The following UBE2E2 variants were observed in gnomAD, a reference collection of about 807,000 sequenced individuals.
The protein encoded by UBE2E2 is ubiquitin-conjugating enzyme E2 E2.
In UBE2E2, 6 loss-of-function variants were observed where a neutral mutation model predicts 24.7. That is an observed-to-expected ratio of 0.24 (90% CI 0.13 to 0.48). The LOEUF (loss-of-function observed/expected upper bound fraction) is 0.48, where lower values mean the gene tolerates loss of function less well. UBE2E2 is among the 20% of genes least tolerant of loss of function. The probability of loss-of-function intolerance (pLI) is 0.99; values close to 1 mark genes in which losing one functional copy is unlikely to be tolerated. For synonymous variants in UBE2E2, 104 were observed against 83.6 expected, an observed-to-expected ratio of 1.24 and a Z score of -1.33; for missense variants, 169 against 245.0, an observed-to-expected ratio of 0.69 and a Z score of 2.07.
At chr3:23,565,840 C>G (rs981091723) in intron 5 of UBE2E2, among the ~76,000 whole-genome samples, 8 of 152,114 alleles carry the variant, frequency 5.3e-5, no homozygotes, top group African/African-American at 1.9e-4. Flanking sequence ...TCTGCCACCT[C>G]TTTTCTTTCC....
At chr3:23,376,869 A>T (rs1696535344) in intron 3 of UBE2E2, among the ~76,000 whole-genome samples, 1 of 152,150 alleles carries the variant, frequency 6.6e-6, no homozygotes, top group Non-Finnish European at 1.5e-5. Flanking sequence ...ATGAGTTCTG[A>T]TAAGGTGTGA....
chr3:23,488,044 A>G (rs1007970639), intron 3 of UBE2E2, among the ~76,000 whole-genome samples: 4 of 152,068 alleles, frequency 2.6e-5, no homozygotes, highest in Admixed American at 2.6e-4. Flanking sequence ...TTAGGAATAA[A>G]CTAGACAACT....
chr3:23,291,683 C>CTTTTTTTTT (rs11308326), intron 3 of UBE2E2, among the ~76,000 whole-genome samples: 2 of 95,038 alleles, frequency 2.1e-5, no homozygotes, highest in Non-Finnish European at 4.0e-5. Context: ...ATTTAAGGGG[C>CTTTTTTTTT]TTTTTTTTTT....
At chr3:23,544,667 G>A (rs561834036) in intron 5 of UBE2E2, among the ~76,000 whole-genome samples, 1 of 152,320 alleles carries the variant, frequency 6.6e-6, no homozygotes, top group Admixed American at 6.5e-5. Context: ...TAGATCTGAA[G>A]GGGTGGGTTG....
chr3:23,512,831 G>T, intron 4 of UBE2E2, among the ~76,000 whole-genome samples: 1 of 152,086 alleles, frequency 6.6e-6, no homozygotes, highest in East Asian at 1.9e-4. Context: ...TGTAATTCCA[G>T]CTACTCAGTA....
At chr3:23,292,763 T>C (rs1698802283) in intron 3 of UBE2E2, among the ~76,000 whole-genome samples, 2 of 152,190 alleles carry the variant, frequency 1.3e-5, no homozygotes, top group Admixed American at 1.3e-4. Context: ...TTGTGCCTCT[T>C]TTTGTTCGCA....
intron 1 of UBE2E2, among the ~76,000 whole-genome samples, chr3:23,206,668 T>C (rs1559438305): frequency 6.6e-6 from 1 of 152,198 alleles, no homozygotes; most frequent in Non-Finnish European, 1.5e-5. Context: ...TGCTTCCTGA[T>C]GCTTCCATTC....
At chr3:23,512,242 C>T in intron 4 of UBE2E2, among the ~76,000 whole-genome samples, 1 of 147,232 alleles carries the variant, frequency 6.8e-6, no homozygotes, top group East Asian at 2.0e-4. Flanking sequence ...TTTTTTGAGA[C>T]AGTCTTACCC....
chr3:23,267,931 A>T (rs1436311924), intron 3 of UBE2E2, among the ~76,000 whole-genome samples: 203 of 147,602 alleles, frequency 1.4e-3, no homozygotes, highest in Middle Eastern at 3.4e-3. Flanking sequence ...AATCCAGCAT[A>T]TAAACAGAAC....
intron 3 of UBE2E2, among the ~76,000 whole-genome samples, chr3:23,332,638 AC>A (rs1695088314): frequency 1.3e-5 from 2 of 148,928 alleles, no homozygotes; most frequent in Non-Finnish European, 3.0e-5. Flanking sequence ...GCATTTGAAC[AC>A]AAATTTTAGC....
intron 5 of UBE2E2, among the ~76,000 whole-genome samples, chr3:23,547,448 T>G (rs1245448997): frequency 1.3e-5 from 2 of 152,218 alleles, no homozygotes; most frequent in Non-Finnish European, 2.9e-5. Flanking sequence ...TAAGTGCTAT[T>G]TCTTTATTGG....
chr3:23,203,485 G>A (rs1233186962), intron 1 of UBE2E2, 21 bp downstream of exon 1: 4 of 946,998 alleles, frequency 4.2e-6, no homozygotes, highest in East Asian at 1.4e-4. Flanking sequence ...GGGCCGCGCC[G>A]GTGCCTCCCC....
intron 3 of UBE2E2, among the ~76,000 whole-genome samples, chr3:23,394,966 G>T (rs187118941): frequency 2.0e-5 from 3 of 152,196 alleles, no homozygotes. Context: ...TGGACCCTAG[G>T]AATAATAATC....
At chr3:23,228,534 G>C (rs1404741583) in intron 3 of UBE2E2, among the ~76,000 whole-genome samples, 3 of 152,058 alleles carry the variant, frequency 2.0e-5, no homozygotes, top group Non-Finnish European at 2.9e-5. Context: ...TCTTTACGGT[G>C]ATTATTATGC....
chr3:23,257,421 A>G (rs897653634), intron 3 of UBE2E2, among the ~76,000 whole-genome samples: 1 of 150,746 alleles, frequency 6.6e-6, no homozygotes, highest in African/African-American at 2.4e-5. Flanking sequence ...GAGGTCTGCA[A>G]CAAAATAGAT....
intron 3 of UBE2E2, among the ~76,000 whole-genome samples, chr3:23,449,033 AC>A (rs1215892378): frequency 1.3e-5 from 2 of 152,146 alleles, no homozygotes; most frequent in Non-Finnish European, 2.9e-5. Flanking sequence ...TTGCCCTCTT[AC>A]CTAACAGCCC....
At chr3:23,390,603 A>G (rs971034590) in intron 3 of UBE2E2, among the ~76,000 whole-genome samples, 3 of 152,176 alleles carry the variant, frequency 2.0e-5, no homozygotes, top group Admixed American at 1.3e-4. Flanking sequence ...CTGACTCTCC[A>G]CTGAGCTGGT....
At chr3:23,439,206 A>G (rs551869383) in intron 3 of UBE2E2, among the ~76,000 whole-genome samples, 4 of 152,208 alleles carry the variant, frequency 2.6e-5, no homozygotes, top group Admixed American at 1.3e-4. Context: ...TTATGTGTAC[A>G]GGGGAAGGCT....
chr3:23,374,130 C>T (rs1483919233), intron 3 of UBE2E2, among the ~76,000 whole-genome samples: 1 of 152,078 alleles, frequency 6.6e-6, no homozygotes, highest in East Asian at 1.9e-4. Context: ...TAATAGAATA[C>T]TTAAACGTTT....
Sources: allele counts gnomAD v4.1 joint callset (sites outside exome capture counted in the v4.1 genomes callset), GRCh38; gene constraint gnomAD v4.1.1; transcripts MANE v1.5; gene names NCBI Gene and HGNC (gene_info 2026-07-23, HGNC 2026-07-21).